Variants in CEP112 observed in about 807,000 individuals in gnomAD.
CEP112 encodes the protein centrosomal protein of 112 kDa.
Under a neutral mutation model 153.0 loss-of-function variants are expected in CEP112, and 127 were observed. That is an observed-to-expected ratio of 0.83 (90% confidence interval 0.72 to 0.96). The LOEUF (loss-of-function observed/expected upper bound fraction) is 0.96, where lower values mean the gene tolerates loss of function less well. Ranked by LOEUF, CEP112 falls within the 40% of genes least tolerant of loss-of-function variation. CEP112 has a pLI of 0.00. For missense variants in CEP112, 1,089 were observed against 1,101.2 expected, an observed-to-expected ratio of 0.99 and a Z score of 0.16; for synonymous variants, 358 against 374.4, an observed-to-expected ratio of 0.96 and a Z score of 0.51.
chr17:65,742,613 C>T (rs556988088), intron 23 of CEP112, among the ~76,000 whole-genome samples: 3 of 152,290 alleles, frequency 2.0e-5, no homozygotes, highest in Admixed American at 6.5e-5. Context: ...TGTGTCAAAG[C>T]ACATCAAATG....
intron 22 of CEP112, among the ~76,000 whole-genome samples, chr17:65,748,174 T>A (rs971014706): frequency 2.0e-5 from 3 of 152,350 alleles, no homozygotes; most frequent in African/African-American, 7.2e-5. Flanking sequence ...TTCACAGATA[T>A]AAATATTTAG....
intron 17 of CEP112, among the ~76,000 whole-genome samples, chr17:65,967,775 G>T (rs193199476): frequency 1.3e-5 from 2 of 152,072 alleles, no homozygotes; most frequent in Non-Finnish European, 2.9e-5. Context: ...ACTAACTTCT[G>T]CCTGTAATAT....
rs76752454 is a variant in CEP112, at chr17:65,650,168, T to C, written c.2698-9103A>G. On this transcript the variant is annotated intron_variant, in intron 24 of 26. Coordinates refer to ENST00000535342, the MANE Select transcript of CEP112 (RefSeq NM_001199165.4). The stretch of plus-strand genomic sequence containing the variant: ...TTGTTTTTTCTCTAATTCTTCTTTC[T>C]TGTTGTGTGGGGTTTTGCCACTGTG... Among the ~76,000 whole-genome samples the C allele has an allele frequency of 7.4e-3, 1,130 of 152,268 alleles. 17 individuals carry two copies. Among genetic ancestry groups the C allele is most frequent in the African/African-American group, 0.026 (1,061 of 41,572 alleles).
chr17:65,960,166 G>GA (rs1032049281), intron 18 of CEP112, among the ~76,000 whole-genome samples: 3 of 151,784 alleles, frequency 2.0e-5, no homozygotes, highest in Non-Finnish European at 4.4e-5. Flanking sequence ...AGGAAAAACT[G>GA]AAAAAAACTA....
At chr17:66,028,463 C>T (rs2065317390) in intron 14 of CEP112, 58 bp from the exon 15 acceptor site, 2 of 968,784 alleles carry the variant, frequency 2.1e-6, no homozygotes, top group Non-Finnish European at 3.0e-6. Context: ...CCATATTATA[C>T]TTTCTGATTG....
At chr17:65,837,681 G>C (rs2057371237) in intron 21 of CEP112, among the ~76,000 whole-genome samples, 2 of 152,254 alleles carry the variant, frequency 1.3e-5, no homozygotes, top group African/African-American at 4.8e-5. Context: ...AGACAGATCA[G>C]ATTGTTACTG....
intron 6 of CEP112, among the ~76,000 whole-genome samples, chr17:66,117,074 T>G (rs1009993574): frequency 5.9e-5 from 9 of 152,006 alleles, no homozygotes; most frequent in Non-Finnish European, 1.3e-4. Flanking sequence ...AATACAAAAA[T>G]TAGTAGAGAC....
At chr17:65,693,469 AG>A (rs2048214074) in intron 23 of CEP112, among the ~76,000 whole-genome samples, 1 of 145,588 alleles carries the variant, frequency 6.9e-6, no homozygotes, top group African/African-American at 2.5e-5. Context: ...AAAAAAAAAG[AG>A]GATGCTGCAA....
intron 20 of CEP112, among the ~76,000 whole-genome samples, chr17:65,860,079 T>A (rs1341404469): frequency 1.4e-5 from 2 of 146,110 alleles, no homozygotes; most frequent in East Asian, 2.0e-4. Context: ...ATATAAAAAA[T>A]GAAAATGAAT....
chr17:66,071,499 G>A (rs913169761), intron 8 of CEP112, among the ~76,000 whole-genome samples: 1 of 152,060 alleles, frequency 6.6e-6, no homozygotes, highest in African/African-American at 2.4e-5. Flanking sequence ...ACACCTTCTA[G>A]AGAACTTGTC....
chr17:65,956,641 G>T (rs2062014784), intron 18 of CEP112, among the ~76,000 whole-genome samples: 1 of 151,906 alleles, frequency 6.6e-6, no homozygotes, highest in African/African-American at 2.4e-5. Context: ...TTGGGTGGGG[G>T]AGGTGAGGGT....
At chr17:65,799,213 T>C (rs1372007492) in intron 21 of CEP112, among the ~76,000 whole-genome samples, 1 of 152,156 alleles carries the variant, frequency 6.6e-6, no homozygotes, top group Non-Finnish European at 1.5e-5. Flanking sequence ...TTCTTTCCCC[T>C]CCAATTCTGA....
intron 17 of CEP112, among the ~76,000 whole-genome samples, chr17:66,002,668 T>C (rs1284424306): frequency 6.6e-6 from 1 of 152,204 alleles, no homozygotes; most frequent in Non-Finnish European, 1.5e-5. Flanking sequence ...TATTACCTTA[T>C]TATGTTTTTA....
chr17:66,160,051 GACAA>G (rs1235112390), intron 4 of CEP112, among the ~76,000 whole-genome samples: 10 of 152,176 alleles, frequency 6.6e-5, no homozygotes, highest in South Asian at 4.1e-4. Flanking sequence ...ACCAATAACA[GACAA>G]ACAGAGAGCC....
intron 4 of CEP112, among the ~76,000 whole-genome samples, chr17:66,166,223 T>C (rs762458010): frequency 1.3e-5 from 2 of 152,192 alleles, no homozygotes; most frequent in Non-Finnish European, 2.9e-5. Context: ...AAATGCCTTC[T>C]TTTTCATCAA....
At chr17:66,120,239 C>T (rs759657533) in intron 6 of CEP112, among the ~76,000 whole-genome samples, 3 of 152,022 alleles carry the variant, frequency 2.0e-5, no homozygotes, top group Non-Finnish European at 4.4e-5. Flanking sequence ...CTCACTCCAT[C>T]GCCCAGGCTG....
chr17:65,896,980 T>C (rs2059680879), intron 20 of CEP112, among the ~76,000 whole-genome samples: 1 of 152,076 alleles, frequency 6.6e-6, no homozygotes, highest in Non-Finnish European at 1.5e-5. Flanking sequence ...ACATTAAACT[T>C]TGTACATTGC....
At chr17:65,820,134 T>A (rs2056455790) in intron 21 of CEP112, among the ~76,000 whole-genome samples, 1 of 152,106 alleles carries the variant, frequency 6.6e-6, no homozygotes, top group South Asian at 2.1e-4. Context: ...TCAATCTTTT[T>A]AAAATAAGTG....
intron 21 of CEP112, among the ~76,000 whole-genome samples, chr17:65,775,276 C>T (rs2145566117): frequency 6.6e-6 from 1 of 152,068 alleles, no homozygotes; most frequent in Non-Finnish European, 1.5e-5. Context: ...AAGCTAGGGC[C>T]ATGCAAGTGT....
Sources: gnomAD v4.1 joint callset for allele counts (sites outside exome capture counted in the v4.1 genomes callset) on GRCh38, gnomAD v4.1.1 for gene constraint, MANE v1.5 for transcripts, NCBI Gene and HGNC (gene_info 2026-07-23, HGNC 2026-07-21) for gene names.